Variants in TRMT11 observed in about 807,000 individuals in gnomAD.
The protein encoded by TRMT11 is tRNA methyltransferase 11, also known as tRNA (guanine(10)-N(2))-methyltransferase TRMT11.
Under a neutral mutation model 62.8 loss-of-function variants are expected in TRMT11, and 53 were observed. The ratio of observed to expected loss-of-function variants is 0.84; its 90% CI spans 0.68 to 1.06. TRMT11 has a LOEUF of 1.06. TRMT11 is among the 50% of genes least tolerant of loss of function. TRMT11 has a pLI of 0.00. For missense variants in TRMT11, 556 were observed against 553.4 expected (o/e 1.00, Z -0.05); for synonymous variants, 188 against 190.3 (o/e 0.99, Z 0.10).
chr6:126,119,979 A>T (rs1685855875), intron 21 of TRMT11, among the ~76,000 whole-genome samples: 1 of 152,134 alleles, frequency 6.6e-6, no homozygotes, highest in African/African-American at 2.4e-5. Flanking sequence ...ATGCTGTAAA[A>T]GTGACCAAAT....
At chr6:126,024,257 A>G (rs1157787610) in intron 12 of TRMT11, among the ~76,000 whole-genome samples, 1 of 152,244 alleles carries the variant, frequency 6.6e-6, no homozygotes, top group Non-Finnish European at 1.5e-5. Flanking sequence ...CAGACTGGGC[A>G]ACTTAACAGA....
At chr6:126,202,393 G>T (rs1261693830), downstream of TRMT11, among the ~76,000 whole-genome samples, 3 of 152,136 alleles carry the variant, frequency 2.0e-5, no homozygotes, top group African/African-American at 7.2e-5. Flanking sequence ...AGTTTCTAAG[G>T]CTTGCATGTG....
rs998693513 is a variant in TRMT11 at position 126,099,688 on chromosome 6, G to A, written c.*1438-13178G>A. ...CTTGTACAGGGGAGGCGGAAGTTGC[G>A]GTGAGCTGAGATCGTGCCACTGCAC... On this transcript the variant is annotated intron_variant and NMD_transcript_variant, in intron 17 of 22. Transcript: ENST00000648977. Among the ~76,000 whole-genome samples, 3 of 152,138 alleles carry A rather than the reference G, an allele frequency of 2.0e-5. No homozygotes were observed. The East Asian group carries it at 5.8e-4, about 29-fold the overall frequency.
At chr6:126,209,412 A>T in the TRMT11 span, among the ~76,000 whole-genome samples, 4 of 152,134 alleles carry the variant, frequency 2.6e-5, no homozygotes, top group Non-Finnish European at 5.9e-5. Context: ...CCTGAAATAG[A>T]TCAGTTATTC....
chr6:126,188,006 A>C (rs1256471843), intron 1 of TRMT11, among the ~76,000 whole-genome samples: 1 of 151,822 alleles, frequency 6.6e-6, no homozygotes, highest in Non-Finnish European at 1.5e-5. Context: ...TAGAACCATA[A>C]AATGTCTACA....
downstream of TRMT11, among the ~76,000 whole-genome samples, chr6:126,043,075 T>C (rs936627229): frequency 1.8e-4 from 28 of 152,124 alleles, no homozygotes; most frequent in African/African-American, 6.0e-4. Flanking sequence ...TATTATACTT[T>C]AAGTTTTAGG....
At chr6:126,124,641 C>A (rs1231252441) in intron 21 of TRMT11, among the ~76,000 whole-genome samples, 4 of 152,018 alleles carry the variant, frequency 2.6e-5, no homozygotes, top group African/African-American at 9.7e-5. Context: ...GGCATAAGAA[C>A]ATTTTGAACA....
intron 16 of TRMT11, among the ~76,000 whole-genome samples, chr6:126,050,951 T>C (rs1259744560): frequency 6.6e-6 from 1 of 152,150 alleles, no homozygotes; most frequent in African/African-American, 2.4e-5. Flanking sequence ...TCAGTAGTTG[T>C]AGAGATAAAT....
At chr6:126,080,026 A>T (rs1485564952) in intron 17 of TRMT11, among the ~76,000 whole-genome samples, 1 of 152,130 alleles carries the variant, frequency 6.6e-6, no homozygotes, top group African/African-American at 2.4e-5. Context: ...GAAATAGGTG[A>T]GCAGTCTGCT....
chr6:126,247,416 A>T, the TRMT11 span, among the ~76,000 whole-genome samples: 1 of 151,536 alleles, frequency 6.6e-6, no homozygotes, highest in East Asian at 1.9e-4. Context: ...CCCAGCCAAT[A>T]AACAGATAAT....
At chr6:126,180,798 A>G (rs1174009242) in intron 1 of TRMT11, among the ~76,000 whole-genome samples, 1 of 152,168 alleles carries the variant, frequency 6.6e-6, no homozygotes, top group Non-Finnish European at 1.5e-5. Context: ...TCTTACTCTG[A>G]CTGCTAAAGT....
intron 21 of TRMT11, among the ~76,000 whole-genome samples, chr6:126,165,633 G>A (rs1334067131): frequency 1.3e-5 from 2 of 152,206 alleles, no homozygotes; most frequent in African/African-American, 4.8e-5. Context: ...GGCTTCTAGG[G>A]TTTCTGCAGA....
chr6:126,229,414 C>T, the TRMT11 span, among the ~76,000 whole-genome samples: 1 of 152,144 alleles, frequency 6.6e-6, no homozygotes, highest in Non-Finnish European at 1.5e-5. Flanking sequence ...CTCCTACAGA[C>T]AGCTTAAATG....
At chr6:126,205,708 C>T (rs1354743282), downstream of TRMT11, among the ~76,000 whole-genome samples, 1 of 151,974 alleles carries the variant, frequency 6.6e-6, no homozygotes, top group East Asian at 1.9e-4. Context: ...ATTGAAGACT[C>T]TCAGCATTTT....
At chr6:126,049,491 G>A (rs1208114945) in intron 16 of TRMT11, among the ~76,000 whole-genome samples, 2 of 151,610 alleles carry the variant, frequency 1.3e-5, no homozygotes, top group African/African-American at 2.4e-5. Flanking sequence ...AATGTCAATT[G>A]TTGTTCCTCT....
In TRMT11 at chr6:126,132,736, G is replaced by A. The variant is rs1293488733; in HGVS notation, c.*1823+16881G>A. On this transcript the variant is annotated intron_variant and NMD_transcript_variant, in intron 21 of 22. Coordinates refer to the TRMT11 transcript ENST00000648977. ...TTTTTAATGACTTCCAACATAGGAA[G>A]AAAAACTTAGAACTCAGAACTCAGG... 4.9e-4 allele frequency among the ~76,000 whole-genome samples: 74 copies of A among 152,068 alleles called. 1 individual carries two copies. The highest frequency in any genetic ancestry group is 5.9e-5 in the Non-Finnish European group (4 of 67,930).
intron 6 of TRMT11, 122 bp downstream of exon 6, chr6:125,998,806 A>G: frequency 1.1e-6 from 1 of 885,552 alleles, no homozygotes; most frequent in Non-Finnish European, 1.7e-6. Context: ...TGAATGGATT[A>G]AAATTGGTGA....
intron 21 of TRMT11, among the ~76,000 whole-genome samples, chr6:126,135,593 A>T (rs1483526806): frequency 6.6e-6 from 1 of 151,688 alleles, no homozygotes; most frequent in Non-Finnish European, 1.5e-5. Context: ...TACTAAAATC[A>T]TTTAAAAATT....
chr6:126,219,990 C>T, the TRMT11 span, among the ~76,000 whole-genome samples: 7 of 152,084 alleles, frequency 4.6e-5, no homozygotes, highest in African/African-American at 1.7e-4. Context: ...TTTTTTCTGG[C>T]TTATTCTTTG....
Sources: allele counts gnomAD v4.1 joint callset (sites outside exome capture counted in the v4.1 genomes callset), GRCh38; gene constraint gnomAD v4.1.1; transcripts MANE v1.5; gene names NCBI Gene and HGNC (gene_info 2026-07-23, HGNC 2026-07-21).